SYT7: variants seen among roughly 807,000 people sequenced by gnomAD.
SYT7 encodes synaptotagmin 7.
SYT7 carries 29 observed loss-of-function variants against 75.1 expected under a neutral mutation model. The observed-to-expected ratio is 0.39, with a 90% CI of 0.29 to 0.53. The LOEUF is 0.53. Ranked by LOEUF, SYT7 falls within the 20% of genes least tolerant of loss-of-function variation. SYT7 has a pLI of 0.77. For missense variants in SYT7, 693 were observed against 953.2 expected (o/e 0.73, Z 3.59); for synonymous variants, 376 against 401.7 (o/e 0.94, Z 0.76).
At chr11:61,572,980 G>A (rs1046230088) in intron 1 of SYT7, among the ~76,000 whole-genome samples, 6 of 152,254 alleles carry the variant, frequency 3.9e-5, no homozygotes, top group Non-Finnish European at 7.3e-5. Flanking sequence ...GTGTGAGGGC[G>A]TTTGCCTTGG....
chr11:61,546,687 G>C lies in SYT7; in HGVS notation c.348-432C>G. 6.5e-6 allele frequency: 3 copies of C among 460,136 alleles called. No individual in the cohort carries two copies. Among genetic ancestry groups the C allele is most frequent in the South Asian group, 4.6e-5 (3 of 64,560 alleles). The allele number at this position is 460,136 out of a possible 1,614,324, so 28.5% of individuals were successfully genotyped here. On this transcript the variant is annotated intron_variant, in intron 4 of 12. Coordinates refer to ENST00000539008, the MANE Select transcript of SYT7 (RefSeq NM_001365809.2). The surrounding 1 kb of genome is among the most constrained non-coding windows in gnomAD (Gnocchi z 7.6). ...GTCCAGGCCAGGAGGCCCCAAGGCAGGGAGAAAGAGAAAGCCGTGTTAGTC... is the reference window on the plus strand; with the variant it reads ...GTCCAGGCCAGGAGGCCCCAAGGCACGGAGAAAGAGAAAGCCGTGTTAGTC...
chr11:61,531,124 T>G, intron 8 of SYT7: 2 of 985,310 alleles, frequency 2.0e-6, no homozygotes, highest in Non-Finnish European at 2.4e-6. Context: ...GAGGTCACAG[T>G]GGGCTGATTC....
intron 8 of SYT7, 43 bp from the exon 9 acceptor site, chr11:61,528,228 G>A (rs1420127426): frequency 1.3e-6 from 2 of 1,595,106 alleles, no homozygotes; most frequent in African/African-American, 1.3e-5. Flanking sequence ...GGAGGATTCT[G>A]CTTCCCCCAT....
intron 1 of SYT7, among the ~76,000 whole-genome samples, chr11:61,563,427 A>G (rs2063690012): frequency 1.3e-5 from 2 of 152,138 alleles, no homozygotes; most frequent in Admixed American, 1.3e-4. Context: ...AGTGCACACA[A>G]TGTGGCAGAT....
At position 61,576,748 on chromosome 11, in the gene SYT7, G is replaced by A. The variant is rs1324232731; in HGVS notation, c.31+4042C>T. 6.6e-6 allele frequency among the ~76,000 whole-genome samples: 1 copy of A among 152,058 alleles called. No homozygotes were observed. The highest frequency in any genetic ancestry group is 1.5e-5 in the Non-Finnish European group (1 of 67,984). ...ATGGGGGGACTCAGGAGGGGCAGGA[G>A]GGGGAGGGAACCATATACGGCTCCT... On this transcript the variant is annotated intron_variant, in intron 1 of 12. Coordinates refer to ENST00000539008, the MANE Select transcript of SYT7 (RefSeq NM_001365809.2). The surrounding 1 kb of genome is among the most constrained non-coding windows in gnomAD (Gnocchi z 4.1).
chr11:61,574,409 C>T (rs1590957115), intron 1 of SYT7, among the ~76,000 whole-genome samples: 2 of 152,232 alleles, frequency 1.3e-5, no homozygotes, highest in South Asian at 4.1e-4. Flanking sequence ...GCAAGCTGTC[C>T]CTGGAGGCAC....
intron 7 of SYT7, among the ~76,000 whole-genome samples, chr11:61,535,161 C>A (rs544504725): frequency 6.6e-6 from 1 of 152,276 alleles, no homozygotes; most frequent in Non-Finnish European, 1.5e-5. Context: ...CGGCCCAGGG[C>A]AGCCCTGTGA....
chr11:61,563,595 A>G (rs1481353743), intron 1 of SYT7, among the ~76,000 whole-genome samples: 1 of 152,134 alleles, frequency 6.6e-6, no homozygotes, highest in Non-Finnish European at 1.5e-5. Context: ...GATGAATGTG[A>G]TGGCATTCTA....
At chr11:61,534,636 T>A (rs184011763) in intron 7 of SYT7, among the ~76,000 whole-genome samples, 2 of 152,264 alleles carry the variant, frequency 1.3e-5, no homozygotes, top group East Asian at 3.9e-4. Context: ...ATGCCACGTG[T>A]GCACGTGAAG....
At position 61,523,103 on chromosome 11, in the gene SYT7, T is replaced by C. The variant is rs201342343; in HGVS notation, c.1928A>G (p.Lys643Arg). 3.2e-5 allele frequency: 51 copies of C among 1,614,106 alleles called. No homozygotes were observed. Among genetic ancestry groups the C allele is most frequent in the Non-Finnish European group, 2.5e-5 (30 of 1,180,038 alleles). ...GCCGATGACGTCATTGCGGCTGAGCTTGTCCTTGTCCATGACAGTGATGAT... is the reference window on the plus strand; with the variant it reads ...GCCGATGACGTCATTGCGGCTGAGCCTGTCCTTGTCCATGACAGTGATGAT... ...TIIITVMDKD[K>R]LSRNDVIGKI... is the part of the protein sequence containing the mutation. Residue 643 changes from lysine (K) to arginine (R), a missense_variant, in exon 12 of 13, where the codon AAG becomes AGG. Coordinates refer to ENST00000539008, the MANE Select transcript of SYT7 (RefSeq NM_001365809.2). This position sits in a 1 kb window ranked among gnomAD's most constrained non-coding sequence, Gnocchi z 5.0.
chr11:61,558,751 T>C (rs1454190396), intron 1 of SYT7, among the ~76,000 whole-genome samples: 3 of 152,170 alleles, frequency 2.0e-5, no homozygotes, highest in Non-Finnish European at 4.4e-5. Flanking sequence ...CCTCTGCCTC[T>C]TTTTTGTTGA....
At chr11:61,559,956 A>G (rs1211946415) in intron 1 of SYT7, among the ~76,000 whole-genome samples, 1 of 152,244 alleles carries the variant, frequency 6.6e-6, no homozygotes, top group Non-Finnish European at 1.5e-5. Flanking sequence ...GTGGCCAGCA[A>G]GACACTTGAC....
At chr11:61,548,590 G>T (rs2063257644) in intron 3 of SYT7, among the ~76,000 whole-genome samples, 1 of 152,152 alleles carries the variant, frequency 6.6e-6, no homozygotes, top group South Asian at 2.1e-4. Context: ...GAGCGCTGGG[G>T]TGGGCCTGGG....
At chr11:61,571,913 A>G (rs72914263) in intron 1 of SYT7, among the ~76,000 whole-genome samples, 1 of 152,180 alleles carries the variant, frequency 6.6e-6, no homozygotes, top group Non-Finnish European at 1.5e-5. Flanking sequence ...ATCATTCCTG[A>G]GCAGGACTGT....
rs2135270851 is a variant in SYT7 at position 61,546,243 on chromosome 11, C to T, written c.360G>A (p.Leu120=). ...CCGCGGCGGCCACTTTGGCGCCCGA[C>T]AGGAGGGTGCCACTGGAGGCATGCA... The part of the protein sequence containing the change: ...DPRLSLNGTL[L]SGAKVAAAAG... The change falls in exon 5 of 13, where the codon CTG becomes CTA. Residue 120 remains leucine (L), a synonymous_variant. Coordinates refer to ENST00000539008, the MANE Select transcript of SYT7 (RefSeq NM_001365809.2). This position sits in a 1 kb window ranked among gnomAD's most constrained non-coding sequence, Gnocchi z 7.6. 6.9e-7 allele frequency: 1 copy of T among 1,444,220 alleles called. No homozygotes were observed. Among genetic ancestry groups the T allele is most frequent in the South Asian group, 1.4e-5 (1 of 69,542 alleles). The allele number at this position is 1,444,220 out of a possible 1,614,324, so 89.5% of individuals were successfully genotyped here.
At chr11:61,525,600 A>G (rs2062491009) in intron 9 of SYT7, 1 of 152,102 alleles carries the variant, frequency 6.6e-6, no homozygotes, top group Non-Finnish European at 1.5e-5. Context: ...TCCGCAAAAC[A>G]TAACACACGC....
chr11:61,531,841 T>C (rs1310674055), intron 8 of SYT7, among the ~76,000 whole-genome samples: 2 of 143,142 alleles, frequency 1.4e-5, no homozygotes, highest in Non-Finnish European at 3.0e-5. Flanking sequence ...TTGCAGTGAG[T>C]TGAGATTGTG....
intron 1 of SYT7, among the ~76,000 whole-genome samples, chr11:61,557,221 T>C (rs994712118): frequency 6.6e-6 from 1 of 152,242 alleles, no homozygotes; most frequent in Non-Finnish European, 1.5e-5. Context: ...GAGACCCGCA[T>C]AGATCACACA....
At chr11:61,574,955 G>A (rs968656609) in intron 1 of SYT7, among the ~76,000 whole-genome samples, 4 of 152,038 alleles carry the variant, frequency 2.6e-5, no homozygotes, top group African/African-American at 9.7e-5. Context: ...GCCTCATGCA[G>A]GCGCCCCTTC....
Sources: allele counts gnomAD v4.1 joint callset (sites outside exome capture counted in the v4.1 genomes callset), GRCh38; gene constraint gnomAD v4.1.1; non-coding constraint Gnocchi (gnomAD v3.1); transcripts MANE v1.5; gene names NCBI Gene and HGNC (gene_info 2026-07-23, HGNC 2026-07-21).